CSMD2: variants seen among roughly 807,000 people sequenced by gnomAD.
CSMD2 encodes the protein CUB and sushi domain-containing protein 2.
In CSMD2, 130 loss-of-function variants were observed where a neutral mutation model predicts 398.5. The observed-to-expected ratio is 0.33, with a 90% CI of 0.28 to 0.38. The LOEUF is 0.38. Ranked by LOEUF, CSMD2 falls within the 10% of genes least tolerant of loss-of-function variation. The pLI, the probability that CSMD2 is intolerant of heterozygous loss-of-function variation, is 1.00. For missense variants in CSMD2, 3,829 were observed against 4,764.9 expected (o/e 0.80, Z 5.78); for synonymous variants, 1,828 against 1,908.5 (o/e 0.96, Z 1.10).
intron 44 of CSMD2, among the ~76,000 whole-genome samples, chr1:33,592,905 C>T (rs530936396): frequency 1.2e-4 from 18 of 150,460 alleles, no homozygotes; most frequent in East Asian, 2.0e-4. Flanking sequence ...ACCAAGATCA[C>T]GCCACTGCAC....
intron 14 of CSMD2, among the ~76,000 whole-genome samples, chr1:33,740,137 G>A (rs938254774): frequency 6.6e-6 from 1 of 152,180 alleles, no homozygotes; most frequent in African/African-American, 2.4e-5. Flanking sequence ...TGCGGCACGT[G>A]ACAGATGGTA....
At chr1:33,660,964 G>A (rs1049779069) in intron 26 of CSMD2, among the ~76,000 whole-genome samples, 2 of 152,144 alleles carry the variant, frequency 1.3e-5, no homozygotes, top group South Asian at 2.1e-4. Flanking sequence ...CCAGGGTGCC[G>A]TGGGCTATAG....
At chr1:34,059,621 GA>G (rs1372710432) in intron 2 of CSMD2, among the ~76,000 whole-genome samples, 1 of 152,184 alleles carries the variant, frequency 6.6e-6, no homozygotes, top group Non-Finnish European at 1.5e-5. Flanking sequence ...CAACCCTGCA[GA>G]GTGACCACAT....
chr1:33,788,716 G>C lies in CSMD2; in HGVS notation c.1551-4C>G, dbSNP rs1160139512. On this transcript the variant is annotated splice_polypyrimidine_tract_variant and splice_region_variant and intron_variant, in intron 11 of 70. Coordinates refer to ENST00000373381, the MANE Select transcript of CSMD2 (RefSeq NM_001281956.2). The stretch of plus-strand genomic sequence containing the variant: ...CGGGACCGATGTACCTGTCAGGCTG[G>C]CAGGAGAGAGATATTTAGAGGTGTG... 6.4e-7 allele frequency: 1 copy of C among 1,560,898 alleles called. No individual in the cohort carries two copies. Among genetic ancestry groups the C allele is most frequent in the East Asian group, 2.2e-5 (1 of 44,626 alleles).
At position 33,911,043 on chromosome 1, in the gene CSMD2, C is replaced by T. The variant is rs74069790; in HGVS notation, c.920+7051G>A. ...TTGCAAAGCATTTAATTATATTCTG[C>T]CTCTTTGCCCCGACTGTGAGCTTCA... On this transcript the variant is annotated intron_variant, in intron 5 of 70. Transcript: ENST00000373381. 2.7e-3 allele frequency among the ~76,000 whole-genome samples: 413 copies of T among 152,306 alleles called. 3 individuals are homozygous for T. The highest frequency in any genetic ancestry group is 9.4e-3 in the African/African-American group (390 of 41,568).
intron 55 of CSMD2, among the ~76,000 whole-genome samples, chr1:33,557,483 G>A (rs1003867303): frequency 2.0e-5 from 3 of 152,130 alleles, no homozygotes; most frequent in African/African-American, 7.2e-5. Context: ...AGAGGAAAGG[G>A]ACCAGGCCTC....
rs1465765717 is a variant in CSMD2, at chr1:34,131,999, A to T, written c.187+32912T>A. 2.0e-5 allele frequency among the ~76,000 whole-genome samples: 3 copies of T among 152,140 alleles called. No homozygotes were observed. The East Asian group carries it at 5.8e-4, about 29-fold the overall frequency. ...GAGGGATTCCAACCTCTCATGGGCCACAAATTCCCCCAAGTATGGGACAGC... is the reference window on the plus strand; with the variant it reads ...GAGGGATTCCAACCTCTCATGGGCCTCAAATTCCCCCAAGTATGGGACAGC... On this transcript the variant is annotated intron_variant, in intron 1 of 70. Transcript: ENST00000373381.
chr1:33,827,991 G>T (rs1403711450), intron 6 of CSMD2, among the ~76,000 whole-genome samples: 2 of 152,274 alleles, frequency 1.3e-5, no homozygotes, highest in East Asian at 3.9e-4. Flanking sequence ...ACAGTAATCA[G>T]ATATGCAAGG....
intron 49 of CSMD2, 89 bp from the exon 50 acceptor site, chr1:33,572,780 T>G: frequency 9.4e-7 from 1 of 1,061,238 alleles, no homozygotes; most frequent in Admixed American, 3.0e-5. Context: ...CCCAAGGTCC[T>G]TTTATTAGTA....
chr1:33,838,619 T>C (rs1305095919), intron 6 of CSMD2: 1 of 152,214 alleles, frequency 6.6e-6, no homozygotes, highest in East Asian at 1.9e-4. Flanking sequence ...GACAATGCAG[T>C]GCACATGCTT....
rs746778026 is a variant in CSMD2, at chr1:33,537,153, T to C, written c.9806-58A>G. On this transcript the variant is annotated intron_variant, in intron 61 of 70. Transcript: ENST00000373381. The surrounding 1 kb of genome is among the most constrained non-coding windows in gnomAD (Gnocchi z 4.6). ...GGTCATGGAAGCCTTCACGGCCTCA[T>C]CTCACTCTGGGAAATAGGTGTAGAA... 11 of 1,577,278 alleles carry C rather than the reference T, an allele frequency of 7.0e-6. No homozygotes were observed. The highest frequency in any genetic ancestry group is 9.6e-6 in the Non-Finnish European group (11 of 1,146,702).
At chr1:34,099,288 A>G (rs1659714599) in intron 1 of CSMD2, among the ~76,000 whole-genome samples, 1 of 152,198 alleles carries the variant, frequency 6.6e-6, no homozygotes, top group East Asian at 1.9e-4. Flanking sequence ...AGACCCTGTG[A>G]TAAGCCATGG....
At chr1:33,557,654 AC>A in intron 55 of CSMD2, 79 bp downstream of exon 55, 11 of 1,205,176 alleles carry the variant, frequency 9.1e-6, no homozygotes, top group Non-Finnish European at 1.3e-5. Context: ...ACACACACAC[AC>A]ACACATGCAC....
intron 2 of CSMD2, among the ~76,000 whole-genome samples, chr1:34,073,741 T>G (rs989042642): frequency 1.3e-5 from 2 of 152,242 alleles, no homozygotes; most frequent in Admixed American, 1.3e-4. Context: ...TGTTTCTGGC[T>G]CTAGGAGACC....
At chr1:33,845,710 C>T (rs1036971056) in intron 6 of CSMD2, among the ~76,000 whole-genome samples, 1 of 152,220 alleles carries the variant, frequency 6.6e-6, no homozygotes, top group Non-Finnish European at 1.5e-5. Flanking sequence ...TGTTTACTTT[C>T]TAGATATTTC....
intron 13 of CSMD2, among the ~76,000 whole-genome samples, chr1:33,754,676 A>T (rs1406751660): frequency 6.6e-6 from 1 of 152,100 alleles, no homozygotes; most frequent in Non-Finnish European, 1.5e-5. Context: ...GTAAAAATAC[A>T]TTTCTCACTG....
At chr1:33,762,123 CATCACTG>C (rs1422939553) in intron 13 of CSMD2, among the ~76,000 whole-genome samples, 8 of 152,238 alleles carry the variant, frequency 5.3e-5, no homozygotes, top group African/African-American at 1.9e-4. Context: ...AGGACACCCA[CATCACTG>C]AGGGCTGATA....
rs565661643 is a variant in CSMD2, at chr1:33,525,764, A to T, written c.10235-721T>A. ...CAATGGTGTGATCTCGGCTCACTGCAACCTCTGCCTCCCAGGTTCAAGCAA... is the reference window on the plus strand; with the variant it reads ...CAATGGTGTGATCTCGGCTCACTGCTACCTCTGCCTCCCAGGTTCAAGCAA... On this transcript the variant is annotated intron_variant, in intron 65 of 70. Transcript: ENST00000373381. 2.0e-5 allele frequency among the ~76,000 whole-genome samples: 3 copies of T among 151,568 alleles called. No individual in the cohort carries two copies. In the East Asian group the frequency reaches 5.8e-4, roughly 29 times the overall value.
chr1:33,703,124 A>G (rs1645665710), intron 22 of CSMD2, among the ~76,000 whole-genome samples: 2 of 152,186 alleles, frequency 1.3e-5, no homozygotes, highest in South Asian at 4.1e-4. Context: ...ATTAGTAGGA[A>G]AAGTCCTCAT....
Sources: allele counts gnomAD v4.1 joint callset (sites outside exome capture counted in the v4.1 genomes callset), GRCh38; gene constraint gnomAD v4.1.1; non-coding constraint Gnocchi (gnomAD v3.1); transcripts MANE v1.5; gene names NCBI Gene and HGNC (gene_info 2026-07-23, HGNC 2026-07-21).